The following SOX6 variants were observed in gnomAD, a reference collection of about 807,000 sequenced individuals.
SOX6 encodes the protein transcription factor SOX-6.
A neutral mutation model predicts 97.8 loss-of-function variants in SOX6; 11 were observed. The observed-to-expected ratio is 0.11, with a 90% CI of 0.07 to 0.19. SOX6 has a LOEUF of 0.19. Among genes scored for constraint, SOX6 ranks in the 10% least tolerant of loss-of-function variants. The pLI is 1.00. For synonymous variants in SOX6, 360 were observed against 371.4 expected (o/e 0.97, Z 0.35); for missense variants, 810 against 1,039.5 (o/e 0.78, Z 3.04).
chr11:16,097,485 A>T, intron 8 of SOX6, 124 bp downstream of exon 8: 2 of 812,090 alleles, frequency 2.5e-6, no homozygotes, highest in Non-Finnish European at 2.1e-6. Flanking sequence ...ATAAGGTGTT[A>T]ATCCTTCTGG....
chr11:16,218,146 G>A (rs1033337977), intron 4 of SOX6, among the ~76,000 whole-genome samples: 3 of 151,966 alleles, frequency 2.0e-5, no homozygotes, highest in African/African-American at 7.3e-5. Flanking sequence ...AGCACAGACT[G>A]GATTTTAATT....
chr11:16,262,477 T>C (rs1241008210), intron 3 of SOX6, among the ~76,000 whole-genome samples: 2 of 152,038 alleles, frequency 1.3e-5, no homozygotes, highest in Non-Finnish European at 2.9e-5. Context: ...AAAAGTGTGC[T>C]CTTTAAAAGA....
rs184135494 is a variant in SOX6, at chr11:16,560,169, T to C, written n.609+51912A>G. 3.4e-4 allele frequency among the ~76,000 whole-genome samples: 52 copies of C among 152,286 alleles called. No individual in the cohort carries two copies. The East Asian group carries it at 6.0e-3, about 18-fold the overall frequency. On this transcript the variant is annotated intron_variant and non_coding_transcript_variant, in intron 4 of 5. Transcript: ENST00000524520. ...AAAGCCAATGCATTCCTAAGTGTTA[T>C]GGTGGATGCACACAAGGAACTGTTA... is the stretch of plus-strand genomic sequence containing the variant.
At position 16,045,740 on chromosome 11, in the gene SOX6, G is replaced by A. The variant is rs1277686113; in HGVS notation, c.1623+774C>T. On this transcript the variant is annotated intron_variant, in intron 12 of 15. Transcript: ENST00000683767. ...TGCCCCTGCTCCTGCCTTTCATATG[G>A]CCTGGACTGTTGCTTCATTCAGATG... is the stretch of plus-strand genomic sequence containing the variant. Among the ~76,000 whole-genome samples, 6 of 151,984 alleles carry A rather than the reference G, an allele frequency of 3.9e-5. No individual in the cohort carries two copies. In the East Asian group the frequency reaches 9.7e-4, roughly 24 times the overall value.
At chr11:16,231,221 T>C (rs1852838989) in intron 4 of SOX6, among the ~76,000 whole-genome samples, 1 of 151,536 alleles carries the variant, frequency 6.6e-6, no homozygotes, top group Non-Finnish European at 1.5e-5. Flanking sequence ...AATGACAAAA[T>C]GCAACATATA....
intron 3 of SOX6, among the ~76,000 whole-genome samples, chr11:16,287,726 C>A (rs547292885): frequency 6.6e-6 from 1 of 151,910 alleles, no homozygotes; most frequent in African/African-American, 2.4e-5. Context: ...AAACTATGTA[C>A]GATTAGAGTA....
chr11:16,447,612 C>A (rs1386799497), intron 1 of SOX6, among the ~76,000 whole-genome samples: 4 of 151,964 alleles, frequency 2.6e-5, no homozygotes, highest in Non-Finnish European at 5.9e-5. Context: ...TAGTAGAGTA[C>A]AAAATTTATC....
At chr11:16,543,350 C>A (rs1490647806) in intron 4 of SOX6, among the ~76,000 whole-genome samples, 5 of 151,808 alleles carry the variant, frequency 3.3e-5, no homozygotes, top group Admixed American at 6.6e-5. Context: ...ATAATATGAG[C>A]TTCTATTGAA....
chr11:16,254,902 T>C (rs1853638169), intron 3 of SOX6, among the ~76,000 whole-genome samples: 2 of 151,882 alleles, frequency 1.3e-5, no homozygotes, highest in Non-Finnish European at 2.9e-5. Flanking sequence ...CATATAAAGA[T>C]AAATATAGAT....
Position 16,571,541 on chromosome 11 carries a change from C to T in SOX6, n.609+40540G>A, listed in dbSNP as rs115014355. Among the ~76,000 whole-genome samples the T allele has an allele frequency of 6.9e-3, 1,056 of 152,262 alleles. 9 individuals carry two copies. Among genetic ancestry groups the T allele is most frequent in the African/African-American group, 0.024 (1,007 of 41,542 alleles). Reference sequence around the variant, plus strand: ...GAACTCCTGGGCTCAAGCAATCTTCCCACCTCAGTCTCCTTAGCAGTTGAA... The same window carrying T: ...GAACTCCTGGGCTCAAGCAATCTTCTCACCTCAGTCTCCTTAGCAGTTGAA... On this transcript the variant is annotated intron_variant and non_coding_transcript_variant, in intron 4 of 5. Coordinates refer to the SOX6 transcript ENST00000524520.
intron 4 of SOX6, among the ~76,000 whole-genome samples, chr11:16,565,912 T>C (rs931924279): frequency 6.6e-5 from 10 of 151,770 alleles, no homozygotes; most frequent in Admixed American, 2.6e-4. Context: ...CTGGCTAACA[T>C]GGTGAAACCC....
intron 12 of SOX6, among the ~76,000 whole-genome samples, chr11:16,043,855 G>A (rs2133903641): frequency 6.6e-6 from 1 of 152,176 alleles, no homozygotes; most frequent in Middle Eastern, 3.4e-3. Context: ...CCTCACTCAA[G>A]GTCATGTCCT....
At chr11:16,593,330 C>A (rs990967908) in intron 4 of SOX6, among the ~76,000 whole-genome samples, 2 of 152,090 alleles carry the variant, frequency 1.3e-5, no homozygotes, top group Admixed American at 6.5e-5. Flanking sequence ...TAATGGAATA[C>A]TCTTTATAAA....
In SOX6 at chr11:16,568,564, T is replaced by G. The variant is rs1374152597; in HGVS notation, n.609+43517A>C. On this transcript the variant is annotated intron_variant and non_coding_transcript_variant, in intron 4 of 5. Transcript: ENST00000524520. ...CTAAATGCCACTGACATGTTCATTT[T>G]AAAATGAATAATTTAATGTAATATA... Among the ~76,000 whole-genome samples the G allele has an allele frequency of 2.6e-5, 4 of 152,186 alleles. No homozygotes were observed. In the East Asian group the frequency reaches 7.7e-4, roughly 29 times the overall value.
intron 7 of SOX6, among the ~76,000 whole-genome samples, chr11:16,108,633 G>T (rs1214571018): frequency 6.6e-6 from 1 of 152,164 alleles, no homozygotes; most frequent in African/African-American, 2.4e-5. Flanking sequence ...TATAGAACCT[G>T]TAAAACATTT....
intron 1 of SOX6, among the ~76,000 whole-genome samples, chr11:16,446,071 A>G (rs1385153727): frequency 6.6e-6 from 1 of 152,052 alleles, no homozygotes; most frequent in Admixed American, 6.6e-5. Context: ...ATTTTTCTAG[A>G]TTATCTTTTT....
At chr11:16,373,847 GGAAGGAAGGAAGGAA>G (rs1857563749) in intron 1 of SOX6, among the ~76,000 whole-genome samples, 1 of 35,986 alleles carries the variant, frequency 2.8e-5, no homozygotes, top group Non-Finnish European at 7.2e-5. Context: ...AAGGAAGGAA[GGAAGGAAGGAAGGAA>G]GGAAGGAAGG....
At chr11:16,291,482 C>A (rs952963402) in intron 3 of SOX6, among the ~76,000 whole-genome samples, 1 of 151,868 alleles carries the variant, frequency 6.6e-6, no homozygotes, top group East Asian at 1.9e-4. Context: ...TACACCATTA[C>A]GTTTTTTGTT....
At chr11:16,419,865 A>G (rs1217218973) in intron 1 of SOX6, among the ~76,000 whole-genome samples, 1 of 152,186 alleles carries the variant, frequency 6.6e-6, no homozygotes, top group African/African-American at 2.4e-5. Flanking sequence ...GGTTTTCCAC[A>G]GGCTTCAAAG....
Sources: allele counts gnomAD v4.1 joint callset (sites outside exome capture counted in the v4.1 genomes callset), GRCh38; gene constraint gnomAD v4.1.1; transcripts MANE v1.5; gene names NCBI Gene and HGNC (gene_info 2026-07-23, HGNC 2026-07-21).